ST3GAL2: variants seen among roughly 807,000 people sequenced by gnomAD.
ST3GAL2 encodes the protein ST3 beta-galactoside alpha-2,3-sialyltransferase 2.
A neutral mutation model predicts 37.5 loss-of-function variants in ST3GAL2; 16 were observed. That is an observed-to-expected ratio of 0.43 (90% CI 0.29 to 0.65). The LOEUF (loss-of-function observed/expected upper bound fraction) is 0.65. Among genes scored for constraint, ST3GAL2 ranks in the 30% least tolerant of loss-of-function variants. The pLI is 0.17. For synonymous variants in ST3GAL2, 238 were observed against 202.9 expected, an observed-to-expected ratio of 1.17 and a Z score of -1.47; for missense variants, 383 against 487.8, an observed-to-expected ratio of 0.79 and a Z score of 2.02.
chr16:70,385,942 A>C (rs2047439914), intron 4 of ST3GAL2, among the ~76,000 whole-genome samples: 2 of 152,012 alleles, frequency 1.3e-5, no homozygotes, highest in Non-Finnish European at 2.9e-5. Flanking sequence ...CTTGGACTCA[A>C]ACAATCTACC....
chr16:70,417,881 T>C (rs553529477), intron 1 of ST3GAL2, among the ~76,000 whole-genome samples: 40 of 152,176 alleles, frequency 2.6e-4, no homozygotes, highest in African/African-American at 8.9e-4. Context: ...CAGGGGGCCA[T>C]TAAACTGGAC....
chr16:70,420,299 T>C (rs1326865972), intron 1 of ST3GAL2, among the ~76,000 whole-genome samples: 1 of 151,980 alleles, frequency 6.6e-6, no homozygotes, highest in Non-Finnish European at 1.5e-5. Flanking sequence ...AAGAGGTAGG[T>C]CATATTACAA....
intron 3 of ST3GAL2, among the ~76,000 whole-genome samples, 157 bp downstream of exon 3, chr16:70,394,825 G>T (rs1165746161): frequency 1.3e-5 from 2 of 152,214 alleles, no homozygotes; most frequent in Non-Finnish European, 2.9e-5. Flanking sequence ...ACAGGTAAAG[G>T]AGAGAGCTCC....
At chr16:70,402,719 G>C (rs1488855659) in intron 1 of ST3GAL2, among the ~76,000 whole-genome samples, 2 of 152,114 alleles carry the variant, frequency 1.3e-5, no homozygotes, top group African/African-American at 4.8e-5. Flanking sequence ...GCGTGATCTT[G>C]GCTCACTGCA....
Position 70,388,378 on chromosome 16 carries a change from C to T in ST3GAL2, c.702G>A (p.Gly234=), listed in dbSNP as rs781479489. ...AGCAAGAAGCTCACAATCGGATCTG[C>T]CCCGTGGACAAGGCGCTGGCGATCC... ...LLWIASALST[G]QIRFTYAPVK... The change falls in exon 4 of 7, where the codon GGG becomes GGA. Residue 234 remains glycine, a synonymous_variant. Coordinates refer to ENST00000342907, the MANE Select transcript of ST3GAL2 (RefSeq NM_006927.4). 1.9e-6 allele frequency: 3 copies of T among 1,614,174 alleles called. No individual in the cohort carries two copies.
intron 1 of ST3GAL2, among the ~76,000 whole-genome samples, chr16:70,412,755 A>G (rs2047647623): frequency 6.6e-6 from 1 of 152,048 alleles, no homozygotes; most frequent in Non-Finnish European, 1.5e-5. Context: ...CTCTTTAAAT[A>G]TTATTTCTAG....
At chr16:70,396,448 T>C (rs2151662817) in intron 2 of ST3GAL2, among the ~76,000 whole-genome samples, 1 of 152,146 alleles carries the variant, frequency 6.6e-6, no homozygotes, top group South Asian at 2.1e-4. Context: ...AGAATTCCTA[T>C]ATAAAAATTA....
Position 70,378,928 on chromosome 16 carries a change from G to A in ST3GAL2, c.*2761C>T, listed in dbSNP as rs189073351. The stretch of plus-strand genomic sequence containing the variant: ...CAGAAGAATCGCTTGAACCCAGGAG[G>A]TGGAGGTTGGGATGAGCCGACATCG... On this transcript the variant is annotated 3_prime_UTR_variant, in exon 7 of 7. Coordinates refer to ENST00000342907, the MANE Select transcript of ST3GAL2 (RefSeq NM_006927.4). 7.8e-3 allele frequency: 1,183 copies of A among 152,204 alleles called. 4 individuals carry two copies. The highest frequency in any genetic ancestry group is 0.011 in the Non-Finnish European group (777 of 68,066). 9.4% of individuals were successfully genotyped at this position (152,204 alleles called of 1,614,324 possible).
intron 2 of ST3GAL2, among the ~76,000 whole-genome samples, chr16:70,396,217 G>A (rs1248584683): frequency 2.7e-5 from 4 of 148,134 alleles, no homozygotes; most frequent in Non-Finnish European, 5.9e-5. Context: ...GTGATCTACC[G>A]CCTTGGCCTC....
intron 2 of ST3GAL2, among the ~76,000 whole-genome samples, chr16:70,395,936 T>TA (rs1175901889): frequency 5.9e-5 from 9 of 151,732 alleles, no homozygotes; most frequent in Non-Finnish European, 1.2e-4. Context: ...ACACTGAAAA[T>TA]AAGGATTTCA....
chr16:70,438,477 A>G (rs952890917), intron 1 of ST3GAL2, among the ~76,000 whole-genome samples: 47 of 152,126 alleles, frequency 3.1e-4, no homozygotes, highest in South Asian at 2.1e-4. Flanking sequence ...AGTGCCAGGT[A>G]GGGGAAAGAT....
chr16:70,429,319 T>C (rs780052784), intron 1 of ST3GAL2, among the ~76,000 whole-genome samples: 122 of 151,984 alleles, frequency 8.0e-4, no homozygotes, highest in Admixed American at 1.8e-3. Context: ...TGAGGCCGGG[T>C]AAGGTGGCTC....
At chr16:70,389,202 CAAAAAAAAAAAAAAAAAAAAAAAAAAAAA>C (rs1160368910) in intron 3 of ST3GAL2, among the ~76,000 whole-genome samples, 4 of 27,362 alleles carry the variant, frequency 1.5e-4, no homozygotes, top group South Asian at 3.1e-3. Context: ...CCCATCTCTA[CAAAAAAAAAAAAAAAAAAAAAAAAAAAAA>C]AAAAAAAAAA....
Position 70,381,326 on chromosome 16 carries a change from C to T in ST3GAL2, c.*363G>A. The stretch of plus-strand genomic sequence containing the variant: ...CCGCCCGAGGCTGACGGAAGTGCTT[C>T]GCCGAGGCCCGCGCCATGCTCTCCT... On this transcript the variant is annotated 3_prime_UTR_variant, in exon 7 of 7. Coordinates refer to ENST00000342907, the MANE Select transcript of ST3GAL2 (RefSeq NM_006927.4). The T allele has an allele frequency of 5.0e-6, 1 of 199,770 alleles. No individual in the cohort carries two copies. Among genetic ancestry groups the T allele is most frequent in the Non-Finnish European group, 1.0e-5 (1 of 96,690 alleles). 12.4% of individuals were successfully genotyped at this position (199,770 alleles called of 1,614,324 possible). A position where few individuals can be genotyped will look rare whatever the true frequency, so the allele number is the denominator to read the frequency against.
intron 4 of ST3GAL2, among the ~76,000 whole-genome samples, chr16:70,387,751 A>AC (rs530795822): frequency 8.1e-4 from 123 of 152,110 alleles, no homozygotes; most frequent in African/African-American, 2.9e-3. Flanking sequence ...TGGGACAACT[A>AC]CCCCCAAAGA....
intron 2 of ST3GAL2, among the ~76,000 whole-genome samples, chr16:70,396,718 T>C (rs1031464860): frequency 3.3e-5 from 5 of 152,218 alleles, no homozygotes; most frequent in African/African-American, 1.2e-4. Flanking sequence ...CTGATAAGCC[T>C]GATCACATGA....
intron 1 of ST3GAL2, among the ~76,000 whole-genome samples, chr16:70,417,364 C>T (rs2047683292): frequency 6.6e-6 from 1 of 152,016 alleles, no homozygotes; most frequent in African/African-American, 2.4e-5. Flanking sequence ...TCCCAGCAGG[C>T]ACCGGCCTCC....
chr16:70,406,744 G>A (rs1403549031), intron 1 of ST3GAL2, among the ~76,000 whole-genome samples: 4 of 151,922 alleles, frequency 2.6e-5, no homozygotes, highest in East Asian at 3.9e-4. Flanking sequence ...TCGTGCCACC[G>A]CACTCCAGCC....
At chr16:70,418,656 G>A (rs933722611) in intron 1 of ST3GAL2, among the ~76,000 whole-genome samples, 6 of 152,194 alleles carry the variant, frequency 3.9e-5, no homozygotes, top group South Asian at 2.1e-4. Context: ...CACAGAACAC[G>A]GGTCAGTCCA....
Sources: gnomAD v4.1 joint callset for allele counts (sites outside exome capture counted in the v4.1 genomes callset) on GRCh38, gnomAD v4.1.1 for gene constraint, MANE v1.5 for transcripts, NCBI Gene and HGNC (gene_info 2026-07-23, HGNC 2026-07-21) for gene names.